The following BRDT variants were observed in gnomAD, a reference collection of about 807,000 sequenced individuals.
BRDT encodes bromodomain testis-specific protein.
In BRDT, 77 loss-of-function variants were observed where a neutral mutation model predicts 113.9. That is an observed-to-expected ratio of 0.68 (90% confidence interval 0.56 to 0.82). The LOEUF (loss-of-function observed/expected upper bound fraction) is 0.82, where lower values mean the gene tolerates loss of function less well. Ranked by LOEUF, BRDT falls within the 40% of genes least tolerant of loss-of-function variation. The pLI is 0.00. For synonymous variants in BRDT, 358 were observed against 366.5 expected (o/e 0.98, Z 0.26); for missense variants, 1,027 against 1,105.4 (o/e 0.93, Z 1.01).
At chr1:91,976,611 C>G (rs1206586126) in intron 5 of BRDT, among the ~76,000 whole-genome samples, 173 bp downstream of exon 5, 1 of 152,036 alleles carries the variant, frequency 6.6e-6, no homozygotes, top group Non-Finnish European at 1.5e-5. Context: ...GAATAGACAC[C>G]TAAGAGGCTA....
Position 92,005,694 on chromosome 1 carries a change from G to A in BRDT, c.2775+395G>A, listed in dbSNP as rs866452354. On this transcript the variant is annotated intron_variant, in intron 18 of 18. Coordinates refer to ENST00000399546, the MANE Select transcript of BRDT (RefSeq NM_207189.4). Reference sequence around the variant, plus strand: ...CCTATTTACTAGACTCTTAGACCTCGGCAATTATCTAACTCCCTAAAGTGG... The same window carrying A: ...CCTATTTACTAGACTCTTAGACCTCAGCAATTATCTAACTCCCTAAAGTGG... Among the ~76,000 whole-genome samples the A allele has an allele frequency of 1.1e-4, 17 of 152,190 alleles. No homozygotes were observed. The Middle Eastern group carries it at 0.01, about 91-fold the overall frequency.
At chr1:92,003,623 C>A (rs900900924) in intron 16 of BRDT, among the ~76,000 whole-genome samples, 1 of 152,146 alleles carries the variant, frequency 6.6e-6, no homozygotes, top group African/African-American at 2.4e-5. Context: ...TTTGACTATA[C>A]ATAACTAGTT....
At chr1:92,001,434 G>A (rs1479706884) in intron 15 of BRDT, among the ~76,000 whole-genome samples, 1 of 152,162 alleles carries the variant, frequency 6.6e-6, no homozygotes, top group African/African-American at 2.4e-5. Context: ...AATGGCTCAT[G>A]CCTGTAATCC....
rs145746108 is a variant in BRDT, at chr1:91,976,359, T to C, written c.539T>C (p.Val180Ala). The part of the protein sequence containing the change: ...KVFKQQEIPS[V>A]FPKTSISPLN... Reference sequence around the variant, plus strand: ...TTTAAGCAGCAAGAAATTCCTTCTGTATTTCCTAAGACATCTATTTCTCCC... The same window carrying C: ...TTTAAGCAGCAAGAAATTCCTTCTGCATTTCCTAAGACATCTATTTCTCCC... Residue 180 changes from valine (V) to alanine (A), a missense_variant, in exon 5 of 19, where the codon GTA becomes GCA. Physicochemically the swap from Val to Ala is moderately conservative, Grantham distance 64. Coordinates refer to ENST00000399546, the MANE Select transcript of BRDT (RefSeq NM_207189.4). The C allele has an allele frequency of 1.9e-5, 30 of 1,612,780 alleles. No individual in the cohort carries two copies. The African/African-American group carries it at 2.7e-4, about 14-fold the overall frequency.
intron 13 of BRDT, 145 bp downstream of exon 13, chr1:91,991,390 G>T: frequency 2.4e-6 from 1 of 423,912 alleles, no homozygotes; most frequent in East Asian, 4.0e-5. Flanking sequence ...AATGTTCAAT[G>T]ATTTCTTCCT....
intron 15 of BRDT, among the ~76,000 whole-genome samples, chr1:91,994,473 T>C (rs1686084536): frequency 6.6e-6 from 1 of 151,982 alleles, no homozygotes; most frequent in African/African-American, 2.4e-5. Context: ...AAGAAAATTA[T>C]GTATATAGTT....
At chr1:91,968,294 CTCTT>C (rs1683272625) in intron 4 of BRDT, 34 bp downstream of exon 4, 1 of 1,603,878 alleles carries the variant, frequency 6.2e-7, no homozygotes, top group African/African-American at 1.3e-5. Flanking sequence ...ATGGTTCTCT[CTCTT>C]TTTTTCCCCT....
At chr1:91,992,203 A>G (rs568686020) in intron 13 of BRDT, 61 bp from the exon 14 acceptor site, 2 of 930,400 alleles carry the variant, frequency 2.1e-6, no homozygotes, top group Non-Finnish European at 3.1e-6. Context: ...TGAAAAAGAA[A>G]TATAATCACA....
chr1:91,994,833 A>C (rs1287501319), intron 15 of BRDT, among the ~76,000 whole-genome samples: 2 of 129,288 alleles, frequency 1.5e-5, no homozygotes, highest in Non-Finnish European at 3.1e-5. Context: ...CCGCCACTGC[A>C]CTCCAGCCTG....
rs66618367 is a variant in BRDT at position 91,952,777 on chromosome 1, CAA to C, written c.-38+3115_-38+3116del. Among the ~76,000 whole-genome samples, 612 of 74,848 alleles carry C rather than the reference CAA, an allele frequency of 8.2e-3. 6 individuals are homozygous for C. The highest frequency in any genetic ancestry group is 0.028 in the African/African-American group (550 of 19,942). The allele number at this position is 74,848 out of a possible 152,430, so 49.1% of individuals were successfully genotyped here. ...TGGGTAACGTAGTGAGACCCATCTCCAAAAAAAAAAAAAAAAAAAAAGAGGGA... is the reference window on the plus strand; with the variant it reads ...TGGGTAACGTAGTGAGACCCATCTCCAAAAAAAAAAAAAAAAAAAGAGGGA... On this transcript the variant is annotated intron_variant, in intron 1 of 18. Transcript: ENST00000399546.
intron 4 of BRDT, among the ~76,000 whole-genome samples, chr1:91,968,462 G>A (rs934617375): frequency 6.6e-6 from 1 of 152,186 alleles, no homozygotes; most frequent in Non-Finnish European, 1.5e-5. Flanking sequence ...GGACTGCATT[G>A]ATTATGGCCT....
At chr1:91,970,871 T>TGCAACAGA (rs369721819) in intron 4 of BRDT, among the ~76,000 whole-genome samples, 9 of 134,316 alleles carry the variant, frequency 6.7e-5, no homozygotes, top group African/African-American at 2.6e-4. Context: ...ATCACACCAC[T>TGCAACAGA]GCAACAGAGC....
intron 15 of BRDT, among the ~76,000 whole-genome samples, chr1:92,001,340 A>T (rs1461006589): frequency 6.6e-6 from 1 of 152,170 alleles, no homozygotes; most frequent in Non-Finnish European, 1.5e-5. Flanking sequence ...AGCAGTCTAA[A>T]TTGCTTTAGA....
At chr1:92,008,352 T>C (rs6604073) in intron 18 of BRDT, among the ~76,000 whole-genome samples, 10,159 of 152,224 alleles carry the variant, frequency 0.067, 400 homozygotes, top group African/African-American at 0.096. Flanking sequence ...AAAATGCCTT[T>C]ATTTGGCCTT....
rs969395495 is a variant in BRDT, at chr1:91,981,022, C to T, written c.1594C>T (p.Arg532Ter). Residue 532 changes from arginine to a stop codon, truncating the protein, a stop_gained, in exon 10 of 19, where the codon CGA becomes TGA. Transcript: ENST00000399546. LOFTEE classifies it high-confidence loss of function. The part of the protein sequence containing the change: ...INKLPGDKLG[R>*]VVHIIQSREP... ...CAAACTCCCTGGAGATAAACTTGGG[C>T]GAGTAGTTCACATAATACAATCAAG... 5.0e-6 allele frequency: 8 copies of T among 1,613,888 alleles called. No individual in the cohort carries two copies. Among genetic ancestry groups the T allele is most frequent in the South Asian group, 4.4e-5 (4 of 91,080 alleles).
intron 15 of BRDT, among the ~76,000 whole-genome samples, chr1:91,996,077 A>G (rs1399848758): frequency 6.6e-6 from 1 of 152,074 alleles, no homozygotes; most frequent in Non-Finnish European, 1.5e-5. Context: ...TTTGAAATAC[A>G]TTTTCAAGAT....
chr1:91,984,522 A>T (rs1048885615), intron 12 of BRDT, among the ~76,000 whole-genome samples: 2 of 152,262 alleles, frequency 1.3e-5, no homozygotes, highest in African/African-American at 4.8e-5. Flanking sequence ...CTATTTACTA[A>T]GAAAATTTAA....
chr1:91,996,874 C>G (rs977136905), intron 15 of BRDT, among the ~76,000 whole-genome samples: 2 of 152,052 alleles, frequency 1.3e-5, no homozygotes, highest in Admixed American at 6.6e-5. Flanking sequence ...AAATAGGTTT[C>G]TAGAACTAAC....
intron 18 of BRDT, among the ~76,000 whole-genome samples, chr1:92,010,267 A>ATTTTTTTTTTTTTTTTTTTTTTTTTTTT (rs373305680): frequency 3.0e-5 from 3 of 101,046 alleles, no homozygotes; most frequent in Non-Finnish European, 5.6e-5. Context: ...TGCTCTTTTA[A>ATTTTTTTTTTTTTTTTTTTTTTTTTTTT]TTTTTTTTTT....
Sources: gnomAD v4.1 joint callset for allele counts (sites outside exome capture counted in the v4.1 genomes callset) on GRCh38, gnomAD v4.1.1 for gene constraint, MANE v1.5 for transcripts, NCBI Gene and HGNC (gene_info 2026-07-23, HGNC 2026-07-21) for gene names.